The following CAST variants were observed in gnomAD, a reference collection of about 807,000 sequenced individuals.
The protein encoded by CAST is calpastatin, also known as MIR583 host.
Under a neutral mutation model 119.6 loss-of-function variants are expected in CAST, and 76 were observed. That is an observed-to-expected ratio of 0.64 (90% CI 0.53 to 0.77). The LOEUF (loss-of-function observed/expected upper bound fraction) is 0.77. Among genes scored for constraint, CAST ranks in the 30% least tolerant of loss-of-function variants. The probability of loss-of-function intolerance (pLI) is 0.00; values close to 1 mark genes in which losing one functional copy is unlikely to be tolerated. For missense variants in CAST, 953 were observed against 946.5 expected, an observed-to-expected ratio of 1.01 and a Z score of -0.09; for synonymous variants, 319 against 331.6, an observed-to-expected ratio of 0.96 and a Z score of 0.41.
intron 2 of CAST, among the ~76,000 whole-genome samples, chr5:96,678,972 A>G (rs547351008): frequency 9.2e-5 from 14 of 152,238 alleles, no homozygotes; most frequent in Middle Eastern, 3.4e-3. Flanking sequence ...ACACACAACC[A>G]TTAAGTAATC....
chr5:96,454,910 G>T, the CAST span, among the ~76,000 whole-genome samples: 2 of 152,274 alleles, frequency 1.3e-5, no homozygotes, highest in South Asian at 2.1e-4. Context: ...CAAGCATTTG[G>T]CTCAGAGCCT....
the CAST span, among the ~76,000 whole-genome samples, chr5:96,072,099 G>A: frequency 6.6e-6 from 1 of 152,154 alleles, no homozygotes; most frequent in South Asian, 2.1e-4. Flanking sequence ...AGTCATGGAG[G>A]TAATATTTGA....
At chr5:96,035,715 T>C in the CAST span, among the ~76,000 whole-genome samples, 1 of 151,916 alleles carries the variant, frequency 6.6e-6, no homozygotes, top group Non-Finnish European at 1.5e-5. Flanking sequence ...AATTCTGGCA[T>C]TGTCACTGAT....
At chr5:96,271,619 T>G in the CAST span, among the ~76,000 whole-genome samples, 42,325 of 149,522 alleles carry the variant, frequency 0.28, 6,751 homozygotes, top group Admixed American at 0.41. Flanking sequence ...ATTAAAGACT[T>G]AAACCTAAGA....
At chr5:96,252,454 C>T in the CAST span, among the ~76,000 whole-genome samples, 1 of 152,054 alleles carries the variant, frequency 6.6e-6, no homozygotes, top group Non-Finnish European at 1.5e-5. Flanking sequence ...GACTAAATGA[C>T]TATTGATTAA....
At chr5:96,274,947 A>G in the CAST span, among the ~76,000 whole-genome samples, 687 of 152,280 alleles carry the variant, frequency 4.5e-3, 5 homozygotes, top group African/African-American at 0.015. Flanking sequence ...TCTCCTTCCA[A>G]TCTGGAAATG....
At chr5:96,061,644 AGTGTGTGTGTGTGT>A in the CAST span, among the ~76,000 whole-genome samples, 2 of 149,536 alleles carry the variant, frequency 1.3e-5, no homozygotes, top group African/African-American at 4.9e-5. Context: ...CTTGTTATTC[AGTGTGTGTGTGTGT>A]GTGTGTGTGC....
chr5:96,765,142 A>G, intron 25 of CAST, 79 bp from the exon 26 acceptor site: 1 of 814,130 alleles, frequency 1.2e-6, no homozygotes, highest in Non-Finnish European at 2.1e-6. Context: ...CCCTCCTGAA[A>G]AGATGGAGTT....
chr5:96,456,186 A>C, the CAST span, among the ~76,000 whole-genome samples: 4 of 152,246 alleles, frequency 2.6e-5, no homozygotes, highest in African/African-American at 4.8e-5. Flanking sequence ...ACAAAGAAAG[A>C]AGGAGCCAAT....
the CAST span, among the ~76,000 whole-genome samples, chr5:96,427,656 C>T: frequency 0.024 from 3,720 of 152,244 alleles, 147 homozygotes; most frequent in African/African-American, 0.085. Flanking sequence ...TCTTCATTGT[C>T]ATGAGATACT....
chr5:96,360,716 AG>A, the CAST span, among the ~76,000 whole-genome samples: 20 of 152,150 alleles, frequency 1.3e-4, no homozygotes, highest in Non-Finnish European at 2.6e-4. Context: ...TTCATCCCAG[AG>A]GGGCAACCGC....
At chr5:96,664,998 G>T (rs1749136502) in intron 1 of CAST, among the ~76,000 whole-genome samples, 1 of 152,182 alleles carries the variant, frequency 6.6e-6, no homozygotes, top group Non-Finnish European at 1.5e-5. Flanking sequence ...ACTCTGCTGG[G>T]TTACTTGGAT....
At chr5:96,163,758 T>C in the CAST span, among the ~76,000 whole-genome samples, 2 of 152,184 alleles carry the variant, frequency 1.3e-5, no homozygotes, top group African/African-American at 2.4e-5. Context: ...TGCAATCTTG[T>C]GTAAGTTACT....
the CAST span, among the ~76,000 whole-genome samples, chr5:96,381,527 T>A: frequency 6.6e-6 from 1 of 152,342 alleles, no homozygotes; most frequent in South Asian, 2.1e-4. Flanking sequence ...GATGACCTCC[T>A]GATCTGAATG....
At chr5:96,335,083 C>T in the CAST span, among the ~76,000 whole-genome samples, 2 of 152,198 alleles carry the variant, frequency 1.3e-5, no homozygotes, top group Admixed American at 6.5e-5. Flanking sequence ...GAAACATCCA[C>T]CTTTCCTCTT....
chr5:96,412,735 G>C, the CAST span, among the ~76,000 whole-genome samples: 7 of 129,718 alleles, frequency 5.4e-5, no homozygotes, highest in African/African-American at 2.7e-4. Flanking sequence ...ACCATGCACT[G>C]TGTAGGCAGC....
At chr5:96,741,647 C>A in intron 15 of CAST, 67 bp downstream of exon 15, 1 of 1,014,546 alleles carries the variant, frequency 9.9e-7, no homozygotes, top group Non-Finnish European at 1.5e-6. Flanking sequence ...CAGGAAACTG[C>A]CAGTAGCACA....
At chr5:96,622,886 C>G (rs1165621637) in intron 1 of CAST, among the ~76,000 whole-genome samples, 1 of 30,262 alleles carries the variant, frequency 3.3e-5, no homozygotes, top group Non-Finnish European at 5.8e-5. Context: ...TTTTTTGAGA[C>G]GGAGTCTCGC....
chr5:96,267,833 G>A, the CAST span, among the ~76,000 whole-genome samples: 1 of 152,118 alleles, frequency 6.6e-6, no homozygotes, highest in Non-Finnish European at 1.5e-5. Flanking sequence ...CTAGTATGAA[G>A]CATAAAAGAT....
Sources: gnomAD v4.1 joint callset for allele counts (sites outside exome capture counted in the v4.1 genomes callset) on GRCh38, gnomAD v4.1.1 for gene constraint, MANE v1.5 for transcripts, NCBI Gene and HGNC (gene_info 2026-07-23, HGNC 2026-07-21) for gene names.